FTO: variants seen among roughly 807,000 people sequenced by gnomAD.
FTO encodes FTO alpha-ketoglutarate dependent dioxygenase.
A neutral mutation model predicts 63.9 loss-of-function variants in FTO; 47 were observed. That is an observed-to-expected ratio of 0.74 (90% confidence interval 0.58 to 0.94). The LOEUF (loss-of-function observed/expected upper bound fraction) is 0.94. FTO is among the 40% of genes least tolerant of loss of function. The pLI is 0.00. For synonymous variants in FTO, 207 were observed against 224.4 expected (o/e 0.92, Z 0.69); for missense variants, 562 against 618.1 (o/e 0.91, Z 0.96).
intron 1 of FTO, among the ~76,000 whole-genome samples, chr16:53,714,608 G>C (rs1004153891): frequency 5.9e-5 from 9 of 152,140 alleles, no homozygotes. Flanking sequence ...CTAGCCTGTT[G>C]TCATGTCAAT....
intron 2 of FTO, among the ~76,000 whole-genome samples, chr16:53,823,401 G>C (rs529230913): frequency 2.0e-5 from 3 of 151,932 alleles, no homozygotes; most frequent in African/African-American, 7.2e-5. Flanking sequence ...TCATTTCTAG[G>C]CCTTTAAAAC....
At chr16:53,920,845 C>T (rs1488971973) in intron 7 of FTO, among the ~76,000 whole-genome samples, 1 of 152,028 alleles carries the variant, frequency 6.6e-6, no homozygotes, top group Non-Finnish European at 1.5e-5. Flanking sequence ...TCTGGGGGGA[C>T]CAGTTCTCTA....
At chr16:53,788,823 A>T (rs911545658) in intron 1 of FTO, among the ~76,000 whole-genome samples, 1 of 152,032 alleles carries the variant, frequency 6.6e-6, no homozygotes, top group Admixed American at 6.5e-5. Flanking sequence ...AAGTGTGTAA[A>T]TACACTGTAT....
intron 7 of FTO, among the ~76,000 whole-genome samples, chr16:53,893,084 A>G (rs2081193552): frequency 6.6e-6 from 1 of 152,100 alleles, no homozygotes; most frequent in South Asian, 2.1e-4. Context: ...TGTGATGTAA[A>G]TGTTAAACCT....
intron 8 of FTO, among the ~76,000 whole-genome samples, chr16:54,093,771 C>T (rs12932373): frequency 0.13 from 19,430 of 152,178 alleles, 1,581 homozygotes; most frequent in Admixed American, 0.19. Flanking sequence ...CTACAAAGAG[C>T]TACTGTCGTC....
In FTO at chr16:53,812,977, G is replaced by A. The variant is rs185629410; in HGVS notation, c.123+2760G>A. ...CTTCTGGTGCATGATTACATGCATT[G>A]TCACAAAGCAACTGCCAAGCCATTT... is the stretch of plus-strand genomic sequence containing the variant. On this transcript the variant is annotated intron_variant, in intron 2 of 8. Coordinates refer to ENST00000471389, the MANE Select transcript of FTO (RefSeq NM_001080432.3). 1.1e-4 allele frequency among the ~76,000 whole-genome samples: 17 copies of A among 152,264 alleles called. No homozygotes were observed. The East Asian group carries it at 3.3e-3, about 29-fold the overall frequency.
chr16:54,008,805 A>AAATAAT (rs142826263), intron 8 of FTO, among the ~76,000 whole-genome samples: 116 of 141,000 alleles, frequency 8.2e-4, no homozygotes, highest in Non-Finnish European at 8.4e-4. Flanking sequence ...CTGTCTCCAC[A>AAATAAT]AATAATAATA....
chr16:54,098,447 GT>G (rs2086561547), intron 8 of FTO, among the ~76,000 whole-genome samples: 1 of 152,196 alleles, frequency 6.6e-6, no homozygotes. Flanking sequence ...AAAAACAGCA[GT>G]TCAGTGGCAG....
At chr16:53,843,577 T>A (rs2388407) in intron 3 of FTO, among the ~76,000 whole-genome samples, 62,656 of 152,090 alleles carry the variant, frequency 0.41, 13,179 homozygotes, top group Middle Eastern at 0.51. Flanking sequence ...AGTTGCTCTT[T>A]ATATATTTAG....
intron 4 of FTO, among the ~76,000 whole-genome samples, chr16:53,867,491 A>ATG (rs1491382882): frequency 1.3e-4 from 16 of 127,620 alleles, no homozygotes; most frequent in Admixed American, 3.2e-4. Context: ...TGTACGCCAC[A>ATG]TATGTGTGTG....
chr16:53,738,526 G>A (rs148316104), intron 1 of FTO, among the ~76,000 whole-genome samples: 7 of 152,156 alleles, frequency 4.6e-5, no homozygotes, highest in East Asian at 1.9e-4. Context: ...CCACTTTTTG[G>A]CTATTATGAA....
At chr16:53,937,459 A>G in intron 8 of FTO, 2 of 391,860 alleles carry the variant, frequency 5.1e-6, no homozygotes, top group Non-Finnish European at 4.5e-6. Context: ...TGCAGCTAAT[A>G]AACTCTGAGG....
chr16:53,976,473 T>C (rs1291479309), intron 8 of FTO, among the ~76,000 whole-genome samples: 1 of 151,976 alleles, frequency 6.6e-6, no homozygotes, highest in Non-Finnish European at 1.5e-5. Flanking sequence ...TTTTGCCTAA[T>C]TACCAAAACT....
chr16:54,041,663 CT>C (rs2085078878), intron 8 of FTO, among the ~76,000 whole-genome samples: 1 of 152,140 alleles, frequency 6.6e-6, no homozygotes, highest in African/African-American at 2.4e-5. Context: ...AAAGGTGAGG[CT>C]TTCCTGGGCT....
rs568227603 is a variant in FTO, at chr16:53,756,307, T to G, written c.45+52078T>G. Among the ~76,000 whole-genome samples the G allele has an allele frequency of 3.3e-5, 5 of 152,310 alleles. No individual in the cohort carries two copies. The East Asian group carries it at 9.7e-4, about 29-fold the overall frequency. ...TCAGGGAGCTCTCACTCCCTTCCAG[T>G]GTTGGTGGCAGCAACAGCTTCTTTT... On this transcript the variant is annotated intron_variant, in intron 1 of 8. Coordinates refer to ENST00000471389, the MANE Select transcript of FTO (RefSeq NM_001080432.3).
At chr16:53,938,118 A>G (rs1050633311) in intron 8 of FTO, among the ~76,000 whole-genome samples, 2 of 152,230 alleles carry the variant, frequency 1.3e-5, no homozygotes, top group African/African-American at 2.4e-5. Context: ...TTTCCAAAAA[A>G]AGTGTGTCCA....
intron 3 of FTO, among the ~76,000 whole-genome samples, chr16:53,835,378 T>C (rs989776616): frequency 6.6e-6 from 1 of 152,244 alleles, no homozygotes; most frequent in African/African-American, 2.4e-5. Context: ...TCCTACAATG[T>C]TTTCTTCAGA....
At chr16:53,871,955 G>A (rs571986638) in intron 4 of FTO, among the ~76,000 whole-genome samples, 1 of 152,230 alleles carries the variant, frequency 6.6e-6, no homozygotes, top group South Asian at 2.1e-4. Flanking sequence ...TCGAACTCCT[G>A]ACCTCAGGTA....
At chr16:53,929,753 A>G (rs2082235917) in intron 7 of FTO, among the ~76,000 whole-genome samples, 1 of 152,224 alleles carries the variant, frequency 6.6e-6, no homozygotes, top group East Asian at 1.9e-4. Context: ...CTTTGAGAAG[A>G]TGCCCCAAAA....
Sources: gnomAD v4.1 joint callset for allele counts (sites outside exome capture counted in the v4.1 genomes callset) on GRCh38, gnomAD v4.1.1 for gene constraint, MANE v1.5 for transcripts, NCBI Gene and HGNC (gene_info 2026-07-23, HGNC 2026-07-21) for gene names.